RBFOX1: variants seen among roughly 807,000 people sequenced by gnomAD.
The protein encoded by RBFOX1 is RNA binding fox-1 homolog 1.
RBFOX1 carries 8 observed loss-of-function variants against 57.7 expected under a neutral mutation model. The observed-to-expected ratio is 0.14, with a 90% CI of 0.08 to 0.25. The LOEUF (loss-of-function observed/expected upper bound fraction) is 0.25, where lower values mean the gene tolerates loss of function less well. Ranked by LOEUF, RBFOX1 falls within the 10% of genes least tolerant of loss-of-function variation. RBFOX1 has a pLI of 1.00. For synonymous variants in RBFOX1, 326 were observed against 222.4 expected (o/e 1.47, Z -4.15); for missense variants, 611 against 548.5 (o/e 1.11, Z -1.14).
chr16:5,295,394 A>G (rs1259952551), intron 1 of RBFOX1, among the ~76,000 whole-genome samples: 1 of 152,200 alleles, frequency 6.6e-6, no homozygotes, highest in Non-Finnish European at 1.5e-5. Flanking sequence ...GAGACAGCAC[A>G]CAGTTATCAC....
chr16:6,984,246 TTAAACA>T (rs1158894378), intron 3 of RBFOX1, among the ~76,000 whole-genome samples: 1 of 152,118 alleles, frequency 6.6e-6, no homozygotes, highest in African/African-American at 2.4e-5. Context: ...AAACTCCATC[TTAAACA>T]TAAAATAAAA....
chr16:5,655,908 G>T (rs374596060), intron 3 of RBFOX1, among the ~76,000 whole-genome samples: 8 of 152,184 alleles, frequency 5.3e-5, no homozygotes, highest in African/African-American at 1.9e-4. Flanking sequence ...TGTAGATTAG[G>T]TAGATCTCCT....
At chr16:7,567,866 C>T (rs1320188120) in intron 5 of RBFOX1, among the ~76,000 whole-genome samples, 2 of 126,044 alleles carry the variant, frequency 1.6e-5, no homozygotes, top group African/African-American at 3.1e-5. Context: ...CATATATATA[C>T]CTCTCTATAT....
chr16:6,671,165 C>T (rs903911493), intron 3 of RBFOX1, among the ~76,000 whole-genome samples: 1 of 152,136 alleles, frequency 6.6e-6, no homozygotes, highest in African/African-American at 2.4e-5. Flanking sequence ...AACAAAAGGA[C>T]ACCTGGACTG....
At chr16:5,384,011 T>C (rs536059383) in intron 1 of RBFOX1, among the ~76,000 whole-genome samples, 191 of 152,268 alleles carry the variant, frequency 1.3e-3, no homozygotes, top group Non-Finnish European at 2.4e-3. Context: ...TTCCACAGGG[T>C]GGTACCAGTG....
intron 4 of RBFOX1, among the ~76,000 whole-genome samples, chr16:7,338,272 C>T (rs917880610): frequency 2.0e-5 from 3 of 150,620 alleles, no homozygotes; most frequent in Non-Finnish European, 4.4e-5. Context: ...AGATGGTAAG[C>T]TCTCAGAGGG....
intron 4 of RBFOX1, among the ~76,000 whole-genome samples, chr16:7,160,825 C>T (rs1323801651): frequency 1.4e-5 from 2 of 144,002 alleles, no homozygotes; most frequent in African/African-American, 2.8e-5. Flanking sequence ...CTCCTCCCTC[C>T]TCCCTCCTCC....
intron 3 of RBFOX1, among the ~76,000 whole-genome samples, chr16:5,768,424 A>T (rs192193188): frequency 7.6e-4 from 116 of 152,082 alleles, no homozygotes; most frequent in Middle Eastern, 3.4e-3. Context: ...CACTGTTTAG[A>T]CCCCCTTAAA....
chr16:5,472,295 C>A (rs955742940), intron 2 of RBFOX1, among the ~76,000 whole-genome samples: 1 of 152,136 alleles, frequency 6.6e-6, no homozygotes. Flanking sequence ...GCTTGTACAC[C>A]TACTGTGTTC....
chr16:7,655,882 T>C (rs933767079), intron 12 of RBFOX1, among the ~76,000 whole-genome samples: 1 of 152,144 alleles, frequency 6.6e-6, no homozygotes, highest in Non-Finnish European at 1.5e-5. Context: ...TGCTGTAAAA[T>C]CAAAATTAAA....
chr16:6,394,076 C>T (rs1274762374), intron 2 of RBFOX1, among the ~76,000 whole-genome samples: 1 of 152,164 alleles, frequency 6.6e-6, no homozygotes, highest in Non-Finnish European at 1.5e-5. Context: ...TGCAGACATC[C>T]ATGACTGTGC....
chr16:5,387,646 G>C (rs2066292647), intron 1 of RBFOX1, among the ~76,000 whole-genome samples: 1 of 152,226 alleles, frequency 6.6e-6, no homozygotes, highest in Admixed American at 6.5e-5. Flanking sequence ...GAGATTCTCT[G>C]AGAGAGGGAG....
At chr16:6,806,676 AATATTG>A (rs2154262346) in intron 3 of RBFOX1, among the ~76,000 whole-genome samples, 1 of 151,568 alleles carries the variant, frequency 6.6e-6, no homozygotes, top group African/African-American at 2.4e-5. Flanking sequence ...CTAAAATGAT[AATATTG>A]ATATTAATGA....
intron 2 of RBFOX1, among the ~76,000 whole-genome samples, chr16:5,555,690 G>A (rs938841609): frequency 6.6e-6 from 1 of 151,982 alleles, no homozygotes; most frequent in African/African-American, 2.4e-5. Context: ...CAGAGACGGG[G>A]AAGTGTTTCA....
intron 7 of RBFOX1, among the ~76,000 whole-genome samples, chr16:7,594,299 T>C (rs1446705952): frequency 6.6e-6 from 1 of 152,164 alleles, no homozygotes; most frequent in Non-Finnish European, 1.5e-5. Context: ...TTAGTAAAAC[T>C]AAGTATTATA....
At chr16:5,426,623 G>A (rs79281027) in intron 1 of RBFOX1, among the ~76,000 whole-genome samples, 2,490 of 152,208 alleles carry the variant, frequency 0.016, 63 homozygotes, top group African/African-American at 0.056. Context: ...CACTTAATCC[G>A]GAGCCATCCC....
At chr16:7,238,373 A>T (rs2093882951) in intron 4 of RBFOX1, among the ~76,000 whole-genome samples, 1 of 152,076 alleles carries the variant, frequency 6.6e-6, no homozygotes, top group African/African-American at 2.4e-5. Flanking sequence ...GAAGAAGTAA[A>T]TTCTGCTTTC....
At chr16:6,034,331 C>CAAAAAAGAAAAAAAAAAAAAAAAAA (rs2095333037) in intron 1 of RBFOX1, among the ~76,000 whole-genome samples, 1 of 37,144 alleles carries the variant, frequency 2.7e-5, no homozygotes, top group African/African-American at 1.5e-4. Context: ...GACTGTTGCG[C>CAAAAAAGAAAAAAAAAAAAAAAAAA]AAAAAAAAAA....
At chr16:6,112,263 A>G (rs1293317787) in intron 1 of RBFOX1, among the ~76,000 whole-genome samples, 1 of 152,196 alleles carries the variant, frequency 6.6e-6, no homozygotes, top group Non-Finnish European at 1.5e-5. Context: ...AGTGTCTGGA[A>G]TCTTGTCAGT....
Sources: gnomAD v4.1 joint callset for allele counts (sites outside exome capture counted in the v4.1 genomes callset) on GRCh38, gnomAD v4.1.1 for gene constraint, MANE v1.5 for transcripts, NCBI Gene and HGNC (gene_info 2026-07-23, HGNC 2026-07-21) for gene names.